PDGFD: variants seen among roughly 807,000 people sequenced by gnomAD.
PDGFD encodes platelet derived growth factor D.
Under a neutral mutation model 44.7 loss-of-function variants are expected in PDGFD, and 30 were observed. The ratio of observed to expected loss-of-function variants is 0.67; its 90% confidence interval spans 0.50 to 0.91. PDGFD has a LOEUF of 0.91. Ranked by LOEUF, PDGFD falls within the 40% of genes least tolerant of loss-of-function variation. The pLI is 0.00. For synonymous variants in PDGFD, 173 were observed against 168.4 expected (o/e 1.03, Z -0.21); for missense variants, 445 against 457.8 (o/e 0.97, Z 0.25).
intron 3 of PDGFD, among the ~76,000 whole-genome samples, chr11:103,948,186 G>C (rs1000049584): frequency 6.6e-6 from 1 of 152,124 alleles, no homozygotes; most frequent in Admixed American, 6.5e-5. Context: ...ACTAGGTTAC[G>C]CATTATGTTC....
At chr11:103,986,791 A>G (rs1192858018) in intron 3 of PDGFD, among the ~76,000 whole-genome samples, 2 of 152,212 alleles carry the variant, frequency 1.3e-5, no homozygotes, top group African/African-American at 4.8e-5. Flanking sequence ...AAGATTAGAA[A>G]TTATGGTTTA....
intron 1 of PDGFD, among the ~76,000 whole-genome samples, chr11:104,105,750 A>C (rs1395975607): frequency 2.0e-5 from 3 of 152,176 alleles, no homozygotes; most frequent in Non-Finnish European, 4.4e-5. Context: ...ACTGACAATA[A>C]AAATGGAAGA....
chr11:104,139,755 C>CTTGTCTGTCTGAACGAGAAAAACCAAA (rs1591183218), intron 1 of PDGFD, among the ~76,000 whole-genome samples: 11 of 86,086 alleles, frequency 1.3e-4, no homozygotes, highest in East Asian at 4.4e-4. Context: ...TAATAAATAA[C>CTTGTCTGTCTGAACGAGAAAAACCAAA]GGCCGGGCGC....
At chr11:103,925,385 T>C (rs1858291179) in intron 6 of PDGFD, among the ~76,000 whole-genome samples, 1 of 152,306 alleles carries the variant, frequency 6.6e-6, no homozygotes, top group East Asian at 1.9e-4. Flanking sequence ...CAATGATGTT[T>C]GCTTCATATT....
chr11:103,937,849 C>T (rs1858517062), intron 5 of PDGFD, among the ~76,000 whole-genome samples: 1 of 151,722 alleles, frequency 6.6e-6, no homozygotes, highest in African/African-American at 2.4e-5. Context: ...TGATGGTTTC[C>T]AGCTTCATCC....
chr11:104,108,034 C>A (rs1861495249), intron 1 of PDGFD, among the ~76,000 whole-genome samples: 1 of 152,022 alleles, frequency 6.6e-6, no homozygotes. Flanking sequence ...ACAGAGATTG[C>A]AGATGATTGC....
At chr11:103,910,322 G>C (rs1310997323) in intron 6 of PDGFD, among the ~76,000 whole-genome samples, 19 of 152,208 alleles carry the variant, frequency 1.2e-4, no homozygotes. Flanking sequence ...GGCCGAACAG[G>C]AACAGCTCTG....
intron 1 of PDGFD, among the ~76,000 whole-genome samples, chr11:104,026,119 C>T (rs994712110): frequency 1.3e-5 from 2 of 152,182 alleles, no homozygotes; most frequent in African/African-American, 4.8e-5. Flanking sequence ...CTGACCTCCA[C>T]CTGATGAATA....
At chr11:103,912,346 T>C (rs927461233) in intron 6 of PDGFD, among the ~76,000 whole-genome samples, 1 of 152,130 alleles carries the variant, frequency 6.6e-6, no homozygotes, top group Non-Finnish European at 1.5e-5. Context: ...AAGAAAATAA[T>C]TTTCAACCCA....
At chr11:104,025,979 T>C (rs936228685) in intron 1 of PDGFD, among the ~76,000 whole-genome samples, 2 of 152,182 alleles carry the variant, frequency 1.3e-5, no homozygotes, top group Non-Finnish European at 2.9e-5. Flanking sequence ...CAGATGGTCT[T>C]TGTGTTTCTG....
At chr11:103,976,245 A>C (rs534765917) in intron 3 of PDGFD, among the ~76,000 whole-genome samples, 2 of 152,070 alleles carry the variant, frequency 1.3e-5, no homozygotes, top group African/African-American at 4.8e-5. Flanking sequence ...AATAGTGGCT[A>C]TTGTCAATAG....
intron 1 of PDGFD, among the ~76,000 whole-genome samples, chr11:104,141,485 C>T (rs1591184083): frequency 2.0e-5 from 3 of 151,596 alleles, no homozygotes; most frequent in South Asian, 4.2e-4. Context: ...GTTCTCTTAT[C>T]TCTAAGTTTC....
chr11:104,139,097 G>C (rs1158919555), intron 1 of PDGFD, among the ~76,000 whole-genome samples: 4 of 152,070 alleles, frequency 2.6e-5, no homozygotes, highest in African/African-American at 7.2e-5. Context: ...ATGGTGCTTT[G>C]AATTTTTTCA....
At chr11:104,127,622 T>A (rs1415882435) in intron 1 of PDGFD, among the ~76,000 whole-genome samples, 1 of 152,174 alleles carries the variant, frequency 6.6e-6, no homozygotes, top group Admixed American at 6.6e-5. Flanking sequence ...TTTCATTTGT[T>A]GGTTTTGCAA....
intron 1 of PDGFD, among the ~76,000 whole-genome samples, chr11:104,143,153 A>G (rs1384499454): frequency 2.6e-5 from 4 of 152,222 alleles, no homozygotes; most frequent in African/African-American, 9.6e-5. Context: ...TGCGATCTTA[A>G]AAGGTCTGCT....
In PDGFD at chr11:103,938,267, C is replaced by T. The variant is rs540297199; in HGVS notation, c.772+5185G>A. The stretch of plus-strand genomic sequence containing the variant: ...CATTCTAACTGGTGTGAGATGGTAT[C>T]TCATTGTGGTTTTGATTTGCATTTC... On this transcript the variant is annotated intron_variant, in intron 5 of 6. Transcript: ENST00000393158. 2.0e-5 allele frequency among the ~76,000 whole-genome samples: 3 copies of T among 152,258 alleles called. No individual in the cohort carries two copies. In the South Asian group the frequency reaches 6.2e-4, roughly 32 times the overall value.
intron 1 of PDGFD, chr11:104,039,115 C>T (rs1407725765): frequency 2.4e-5 from 4 of 167,138 alleles, no homozygotes; most frequent in African/African-American, 9.6e-5. Context: ...GTTTCAGCTT[C>T]CTGAGGCCAT....
chr11:103,978,865 T>C (rs774680835), intron 3 of PDGFD, among the ~76,000 whole-genome samples: 10 of 152,132 alleles, frequency 6.6e-5, no homozygotes, highest in Non-Finnish European at 1.2e-4. Context: ...ATTAAAATGG[T>C]AAAATGAGTA....
At chr11:103,936,211 T>C (rs1002246608) in intron 5 of PDGFD, among the ~76,000 whole-genome samples, 1 of 152,170 alleles carries the variant, frequency 6.6e-6, no homozygotes, top group African/African-American at 2.4e-5. Flanking sequence ...CTCCTTAATT[T>C]ACAGAGATGT....
Sources: allele counts gnomAD v4.1 joint callset (sites outside exome capture counted in the v4.1 genomes callset), GRCh38; gene constraint gnomAD v4.1.1; transcripts MANE v1.5; gene names NCBI Gene and HGNC (gene_info 2026-07-23, HGNC 2026-07-21).